The following LSM14B variants were observed in gnomAD, a reference collection of about 807,000 sequenced individuals.
LSM14B encodes the protein LSM family member 14B, also known as protein LSM14 homolog B.
A neutral mutation model predicts 42.1 loss-of-function variants in LSM14B; 8 were observed. The ratio of observed to expected loss-of-function variants is 0.19; its 90% CI spans 0.11 to 0.34. LSM14B has a LOEUF of 0.34. Ranked by LOEUF, LSM14B falls within the 10% of genes least tolerant of loss-of-function variation. The probability of loss-of-function intolerance (pLI) is 1.00; values close to 1 mark genes in which losing one functional copy is unlikely to be tolerated. For missense variants in LSM14B, 396 were observed against 513.1 expected, an observed-to-expected ratio of 0.77 and a Z score of 2.21; for synonymous variants, 219 against 209.7, an observed-to-expected ratio of 1.04 and a Z score of -0.38.
At chr20:62,127,694 T>C in intron 3 of LSM14B, 1 of 1,549,376 alleles carries the variant, frequency 6.5e-7, no homozygotes, top group Non-Finnish European at 8.7e-7. Flanking sequence ...AGCAGCTCAC[T>C]GCCAAGGGTA....
Position 62,129,793 on chromosome 20 carries a change from T to C in LSM14B, c.436T>C (p.Phe146Leu), listed in dbSNP as rs779988902. 3 of 1,609,194 alleles carry C rather than the reference T, an allele frequency of 1.9e-6. No homozygotes were observed. Among genetic ancestry groups the C allele is most frequent in the Non-Finnish European group, 2.5e-6 (3 of 1,178,012 alleles). ...YAASLGLGAG[F>L]PSIPVGKSPM... Reference sequence around the variant, plus strand: ...TCCCCTCCTCAATTCAGGAGCTGGTTTTCCATCCATCCCAGTCGGCAAGAG... The same window carrying C: ...TCCCCTCCTCAATTCAGGAGCTGGTCTTCCATCCATCCCAGTCGGCAAGAG... Residue 146 changes from phenylalanine (F) to leucine (L), a missense_variant, in exon 4 of 9, where the codon TTT (phenylalanine) becomes CTT (leucine). Physicochemically the swap from Phe to Leu is conservative, Grantham distance 22. Coordinates refer to ENST00000279068, the MANE Select transcript of LSM14B (RefSeq NM_144703.3).
Position 62,129,773 on chromosome 20 carries a change from T to G in LSM14B, c.428-12T>G. On this transcript the variant is annotated splice_polypyrimidine_tract_variant and intron_variant, in intron 3 of 8. Transcript: ENST00000279068. ...TCTCTGTTTTTAAACCCTCCTCCCC[T>G]CCTCAATTCAGGAGCTGGTTTTCCA... 2 of 1,602,252 alleles carry G rather than the reference T, an allele frequency of 1.2e-6. No individual in the cohort carries two copies. Among genetic ancestry groups the G allele is most frequent in the Non-Finnish European group, 1.7e-6 (2 of 1,174,532 alleles).
chr20:62,124,474 AGTT>A (rs375776167), intron 1 of LSM14B, 140 bp from the exon 2 acceptor site: 1 of 750,826 alleles, frequency 1.3e-6, no homozygotes, highest in Non-Finnish European at 2.1e-6. Context: ...GGCATTAAGT[AGTT>A]GTTGAAATGT....
rs2056444060 is a variant in LSM14B, at chr20:62,122,877, C to T, written c.127+84C>T. Reference sequence around the variant, plus strand: ...CGGTGCCCTCCCCGCCCCGGGGCGCCCCGGAGCCTGGCGCCCAGACCCCGC... The same window carrying T: ...CGGTGCCCTCCCCGCCCCGGGGCGCTCCGGAGCCTGGCGCCCAGACCCCGC... On this transcript the variant is annotated intron_variant, in intron 1 of 8. Transcript: ENST00000279068. This position sits in a 1 kb window ranked among gnomAD's most constrained non-coding sequence, Gnocchi z 4.6. 4 of 1,197,530 alleles carry T rather than the reference C, an allele frequency of 3.3e-6. No individual in the cohort carries two copies. Among genetic ancestry groups the T allele is most frequent in the Non-Finnish European group, 4.2e-6 (4 of 946,116 alleles). 74.2% of individuals were successfully genotyped at this position (1,197,530 alleles called of 1,614,324 possible). A position where few individuals can be genotyped will look rare whatever the true frequency, so the allele number is the denominator to read the frequency against.
chr20:62,133,257 C>T (rs770652401), intron 7 of LSM14B, 33 bp from the exon 8 acceptor site: 1 of 1,607,782 alleles, frequency 6.2e-7, no homozygotes, highest in Admixed American at 1.7e-5. Context: ...GGAGTCAGTG[C>T]CTGCTACAAT....
chr20:62,130,257 G>A lies in LSM14B; in HGVS notation c.634G>A (p.Val212Met), dbSNP rs1375397441. 6.2e-7 allele frequency: 1 copy of A among 1,605,084 alleles called. No individual in the cohort carries two copies. Among genetic ancestry groups the A allele is most frequent in the Non-Finnish European group, 8.5e-7 (1 of 1,175,744 alleles). Residue 212 changes from valine (V) to methionine (M), a missense_variant, in exon 5 of 9, where the codon GTG becomes ATG. Val to Met is a conservative substitution (Grantham distance 21). This residue lies in a region of LSM14B where 274 missense variants were observed against 335.8 expected (regional missense o/e 0.82). Transcript: ENST00000279068. This position sits in a 1 kb window ranked among gnomAD's most constrained non-coding sequence, Gnocchi z 4.1. ...GGCAGCTGTGCAAGCTCAAGGGCAGGTGAATGACGAGAACAGAAGACCTCA... is the reference window on the plus strand; with the variant it reads ...GGCAGCTGTGCAAGCTCAAGGGCAGATGAATGACGAGAACAGAAGACCTCA... Reference protein sequence around the residue: ...QPAAVQAQGQVNDENRRPQRR... With the variant: ...QPAAVQAQGQMNDENRRPQRR...
At chr20:62,124,366 CTG>C (rs1204100774) in intron 1 of LSM14B, among the ~76,000 whole-genome samples, 1 of 152,262 alleles carries the variant, frequency 6.6e-6, no homozygotes, top group Non-Finnish European at 1.5e-5. Flanking sequence ...GACTGTCAGT[CTG>C]TGAAATTGTT....
rs185269593 is a variant in LSM14B at position 62,134,358 on chromosome 20, A to G, written c.*210A>G. The G allele has an allele frequency of 1.0e-4, 47 of 470,658 alleles. No individual in the cohort carries two copies. Among genetic ancestry groups the G allele is most frequent in the African/African-American group, 9.0e-4 (45 of 49,992 alleles). The allele number at this position is 470,658 out of a possible 1,614,324, so 29.2% of individuals were successfully genotyped here. A position where few individuals can be genotyped will look rare whatever the true frequency, so the allele number is the denominator to read the frequency against. On this transcript the variant is annotated 3_prime_UTR_variant, in exon 9 of 9. Transcript: ENST00000279068. ...TGTTTTGGGGAAGTATTCATGGGTA[A>G]CCTCTTTGAGGTCTCTTTATCTGTG...
chr20:62,122,497 C>T lies in LSM14B; in HGVS notation c.-170C>T, dbSNP rs148560014. On this transcript the variant is annotated 5_prime_UTR_variant, in exon 1 of 9. Coordinates refer to ENST00000279068, the MANE Select transcript of LSM14B (RefSeq NM_144703.3). This position sits in a 1 kb window ranked among gnomAD's most constrained non-coding sequence, Gnocchi z 4.6. ...CCCAGTCGCGCGCCCCTTCTTGGTT[C>T]GCTCGGTGCCCGCGCAGGCCCCTCG... 0.047 allele frequency: 15,557 copies of T among 328,656 alleles called. 452 individuals are homozygous for T. Among genetic ancestry groups the T allele is most frequent in the Admixed American group, 0.079 (1,219 of 15,348 alleles). The allele number at this position is 328,656 out of a possible 1,614,324, so 20.4% of individuals were successfully genotyped here.
chr20:62,132,080 G>C (rs920262950), intron 7 of LSM14B, among the ~76,000 whole-genome samples: 1 of 152,244 alleles, frequency 6.6e-6, no homozygotes, highest in Non-Finnish European at 1.5e-5. Flanking sequence ...GACATGCCGC[G>C]GGGCGTTGAG....
Position 62,122,833 on chromosome 20 carries a change from C to T in LSM14B, c.127+40C>T. On this transcript the variant is annotated intron_variant, in intron 1 of 8. Transcript: ENST00000279068. The surrounding 1 kb of genome is among the most constrained non-coding windows in gnomAD (Gnocchi z 4.6). The stretch of plus-strand genomic sequence containing the variant: ...CCGCCCGAGCCCGCTGACCCCCGTC[C>T]GCCAACAGCCCCGGCCTGCGGTGCC... 6.9e-7 allele frequency: 1 copy of T among 1,452,842 alleles called. No individual in the cohort carries two copies. Among genetic ancestry groups the T allele is most frequent in the Non-Finnish European group, 9.2e-7 (1 of 1,088,300 alleles). The allele number at this position is 1,452,842 out of a possible 1,614,324, so 90.0% of individuals were successfully genotyped here.
In LSM14B at chr20:62,130,208, T is replaced by C. The variant is rs772587243; in HGVS notation, c.596-11T>C. The C allele has an allele frequency of 3.1e-6, 5 of 1,589,572 alleles. No individual in the cohort carries two copies. Among genetic ancestry groups the C allele is most frequent in the African/African-American group, 1.3e-5 (1 of 74,478 alleles). ...AGGAGCTTTGCCTTACTCTTCCCTT[T>C]TGCGCCGTAGATGTAGTCCAGCCGG... On this transcript the variant is annotated splice_polypyrimidine_tract_variant and intron_variant, in intron 4 of 8. Coordinates refer to ENST00000279068, the MANE Select transcript of LSM14B (RefSeq NM_144703.3). This position sits in a 1 kb window ranked among gnomAD's most constrained non-coding sequence, Gnocchi z 4.1.
chr20:62,131,541 T>C (rs757337907), intron 7 of LSM14B, 35 bp downstream of exon 7: 6 of 1,607,044 alleles, frequency 3.7e-6, no homozygotes, highest in Non-Finnish European at 5.1e-6. Flanking sequence ...AGGACAGTCC[T>C]CCAATCTAGA....
rs1057201761 is a variant in LSM14B at position 62,134,207 on chromosome 20, C to T, written c.*59C>T. 3 of 470,686 alleles carry T rather than the reference C, an allele frequency of 6.4e-6. No individual in the cohort carries two copies. The highest frequency in any genetic ancestry group is 1.4e-4 in the East Asian group (2 of 14,392). The allele number at this position is 470,686 out of a possible 1,614,324, so 29.2% of individuals were successfully genotyped here. ...ATAACTGACGCTGTGTGTGTCAGGA[C>T]GCGAGGAAAACGCTGCACTTACAGG... On this transcript the variant is annotated 3_prime_UTR_variant, in exon 9 of 9. Coordinates refer to ENST00000279068, the MANE Select transcript of LSM14B (RefSeq NM_144703.3).
chr20:62,133,199 C>T, intron 7 of LSM14B, 91 bp from the exon 8 acceptor site: 8 of 1,493,876 alleles, frequency 5.4e-6, no homozygotes, highest in Non-Finnish European at 7.2e-6. Flanking sequence ...GTGAGTCTGT[C>T]CCTCCTTCCC....
chr20:62,129,702 G>T (rs1162800569), intron 3 of LSM14B, 83 bp from the exon 4 acceptor site: 10 of 1,396,338 alleles, frequency 7.2e-6, no homozygotes, highest in South Asian at 2.9e-5. Flanking sequence ...TTCCTGACAT[G>T]CCAGCAGAAG....
At chr20:62,125,266 A>G (rs902794933) in intron 2 of LSM14B, among the ~76,000 whole-genome samples, 33 of 152,208 alleles carry the variant, frequency 2.2e-4, no homozygotes, top group Admixed American at 2.1e-3. Flanking sequence ...TGTAGCACAC[A>G]CAGTAGGTGG....
chr20:62,130,494 A>C lies in LSM14B; in HGVS notation c.674-36A>C, dbSNP rs1490730020. ...GGTGTTTGAGATCACTGGGTTGGTG[A>C]CCTACTTCAGCCAGGGCTGTCCTTT... On this transcript the variant is annotated intron_variant, in intron 5 of 8. Transcript: ENST00000279068. This position sits in a 1 kb window ranked among gnomAD's most constrained non-coding sequence, Gnocchi z 4.1. 1 of 1,606,832 alleles carries C rather than the reference A, an allele frequency of 6.2e-7. No homozygotes were observed. Among genetic ancestry groups the C allele is most frequent in the Non-Finnish European group, 8.5e-7 (1 of 1,175,742 alleles).
chr20:62,130,059 C>T lies in LSM14B; in HGVS notation c.595+107C>T. ...AATTAAAAAAATACTACTCCCCCATCCTAAGCCCCATGTGCTTTTGCAGGG... is the reference window on the plus strand; with the variant it reads ...AATTAAAAAAATACTACTCCCCCATTCTAAGCCCCATGTGCTTTTGCAGGG... On this transcript the variant is annotated intron_variant, in intron 4 of 8. Transcript: ENST00000279068. This position sits in a 1 kb window ranked among gnomAD's most constrained non-coding sequence, Gnocchi z 4.1. 1 of 1,417,900 alleles carries T rather than the reference C, an allele frequency of 7.1e-7. No individual in the cohort carries two copies. Among genetic ancestry groups the T allele is most frequent in the Non-Finnish European group, 9.4e-7 (1 of 1,061,218 alleles). The allele number at this position is 1,417,900 out of a possible 1,614,324, so 87.8% of individuals were successfully genotyped here.
Sources: gnomAD v4.1 joint callset for allele counts (sites outside exome capture counted in the v4.1 genomes callset) on GRCh38, gnomAD v4.1.1 for gene constraint, gnomAD v4.1.1 regional missense constraint, Gnocchi (gnomAD v3.1) non-coding constraint, MANE v1.5 for transcripts, NCBI Gene and HGNC (gene_info 2026-07-23, HGNC 2026-07-21) for gene names.